The following FDFT1 variants were observed in gnomAD, a reference collection of about 807,000 sequenced individuals.
FDFT1 encodes farnesyl-diphosphate farnesyltransferase 1.
FDFT1 carries 68 observed loss-of-function variants against 46.8 expected under a neutral mutation model. That is an observed-to-expected ratio of 1.45 (90% CI 1.19 to 1.78). The LOEUF is 1.78. Ranked by LOEUF, FDFT1 falls within the 40% of genes most tolerant of loss-of-function variation. The pLI is 0.00. For missense variants in FDFT1, 928 were observed against 524.4 expected, an observed-to-expected ratio of 1.77 and a Z score of -7.52; for synonymous variants, 351 against 185.1, an observed-to-expected ratio of 1.90 and a Z score of -7.28.
chr8:11,825,686 C>CAAAAAAAAAAAAAAAAA (rs5889388), intron 4 of FDFT1, among the ~76,000 whole-genome samples: 1 of 144,612 alleles, frequency 6.9e-6, no homozygotes. Context: ...GACTCCATCT[C>CAAAAAAAAAAAAAAAAA]AAAAAAAAAA....
chr8:11,834,950 C>T (rs1453847785), intron 7 of FDFT1, among the ~76,000 whole-genome samples: 2 of 152,140 alleles, frequency 1.3e-5, no homozygotes, highest in Non-Finnish European at 2.9e-5. Context: ...ATGGCAAAAC[C>T]CTGTCTCTAC....
chr8:11,808,460 C>A, intron 1 of FDFT1: 1 of 1,269,384 alleles, frequency 7.9e-7, no homozygotes, highest in Non-Finnish European at 9.9e-7. Context: ...CCTCGTCGGG[C>A]GCTTCCCAGA....
chr8:11,809,588 G>T lies in FDFT1; in HGVS notation c.198-79G>T. On this transcript the variant is annotated intron_variant, in intron 2 of 7. Coordinates refer to ENST00000220584, the MANE Select transcript of FDFT1 (RefSeq NM_004462.5). ...TAAGGGTGAGATGGGTTTAGAAAGT[G>T]GCCAGGCACAAGTTATTTTAAAATA... 6 of 1,417,494 alleles carry T rather than the reference G, an allele frequency of 4.2e-6. No homozygotes were observed. The South Asian group carries it at 8.7e-5, about 21-fold the overall frequency. 87.8% of individuals were successfully genotyped at this position (1,417,494 alleles called of 1,614,324 possible). A position where few individuals can be genotyped will look rare whatever the true frequency, so the allele number is the denominator to read the frequency against.
upstream of FDFT1, chr8:11,802,396 C>T (rs956915030): frequency 6.6e-6 from 3 of 456,476 alleles, no homozygotes; most frequent in Non-Finnish European, 1.3e-5. Context: ...TGGGCTCCTG[C>T]GCATCCTAAG....
In FDFT1 at chr8:11,838,699, C is replaced by G. The variant is rs1358569105; in HGVS notation, c.*90C>G. The G allele has an allele frequency of 3.8e-6, 4 of 1,049,376 alleles. No individual in the cohort carries two copies. Among genetic ancestry groups the G allele is most frequent in the African/African-American group, 1.6e-5 (1 of 63,344 alleles). The allele number at this position is 1,049,376 out of a possible 1,614,324, so 65.0% of individuals were successfully genotyped here. ...ATGTTGTGTTCTCTTTATTTTTTTC[C>G]TACTACTTTAATCCCTAAAAGAACG... On this transcript the variant is annotated 3_prime_UTR_variant, in exon 8 of 8. Coordinates refer to ENST00000220584, the MANE Select transcript of FDFT1 (RefSeq NM_004462.5).
intron 3 of FDFT1, among the ~76,000 whole-genome samples, chr8:11,814,199 T>A (rs1048190384): frequency 3.3e-5 from 5 of 152,166 alleles, no homozygotes; most frequent in African/African-American, 1.2e-4. Context: ...CTGGTTTGTT[T>A]CAGCCACAAG....
At chr8:11,811,514 A>G (rs747825887) in intron 3 of FDFT1, among the ~76,000 whole-genome samples, 1 of 152,206 alleles carries the variant, frequency 6.6e-6, no homozygotes, top group Non-Finnish European at 1.5e-5. Flanking sequence ...ATGCTAACAT[A>G]ATTTTGGGGA....
intron 3 of FDFT1, among the ~76,000 whole-genome samples, chr8:11,810,758 G>A (rs1399522644): frequency 6.6e-6 from 1 of 152,070 alleles, no homozygotes; most frequent in Non-Finnish European, 1.5e-5. Context: ...CACATGTTGT[G>A]TAATAGCTCG....
chr8:11,802,780 C>G lies in FDFT1; in HGVS notation c.-53C>G. Reference sequence around the variant, plus strand: ...ACAGGTCCAGCCGGCCGGTGAGCGCCTGGGGACCGCAGAGGTGAGAGTCGC... The same window carrying G: ...ACAGGTCCAGCCGGCCGGTGAGCGCGTGGGGACCGCAGAGGTGAGAGTCGC... On this transcript the variant is annotated 5_prime_UTR_variant, in exon 1 of 8. Transcript: ENST00000220584. 1.4e-6 allele frequency: 2 copies of G among 1,441,818 alleles called. No individual in the cohort carries two copies. Among genetic ancestry groups the G allele is most frequent in the Non-Finnish European group, 1.9e-6 (2 of 1,039,410 alleles). The allele number at this position is 1,441,818 out of a possible 1,614,324, so 89.3% of individuals were successfully genotyped here.
chr8:11,826,679 G>T (rs1365066316), intron 5 of FDFT1, among the ~76,000 whole-genome samples: 1 of 152,178 alleles, frequency 6.6e-6, no homozygotes, highest in Non-Finnish European at 1.5e-5. Context: ...GCCGGGCGTG[G>T]TGGCAAGGGC....
intron 1 of FDFT1, among the ~76,000 whole-genome samples, chr8:11,804,371 A>G (rs574078657): frequency 3.3e-5 from 5 of 152,312 alleles, no homozygotes; most frequent in Admixed American, 6.5e-5. Flanking sequence ...GTAAGTGGGT[A>G]GAGAAAGACT....
chr8:11,804,207 G>GA (rs1222023853), intron 1 of FDFT1, among the ~76,000 whole-genome samples: 1 of 152,218 alleles, frequency 6.6e-6, no homozygotes, highest in Non-Finnish European at 1.5e-5. Flanking sequence ...AAGCACTGCA[G>GA]AGGAAGATAC....
At position 11,810,045 on chromosome 8, in the gene FDFT1, C is replaced by G. The variant is rs113772584; in HGVS notation, c.381+195C>G. The G allele has an allele frequency of 1.4e-3, 784 of 542,844 alleles. 8 individuals carry two copies. The highest frequency in any genetic ancestry group is 9.5e-3 in the African/African-American group (504 of 52,882). 33.6% of individuals were successfully genotyped at this position (542,844 alleles called of 1,614,324 possible). ...GTTGGAATCTCAAATCTCCCACTTA[C>G]TAAACTGTTGGTTACTTACAAAGAC... is the stretch of plus-strand genomic sequence containing the variant. On this transcript the variant is annotated intron_variant, in intron 3 of 7. Coordinates refer to ENST00000220584, the MANE Select transcript of FDFT1 (RefSeq NM_004462.5).
intron 7 of FDFT1, 151 bp from the exon 8 acceptor site, chr8:11,838,237 G>A: frequency 1.5e-6 from 1 of 656,610 alleles, no homozygotes. Flanking sequence ...CATTGGGATG[G>A]CTTTGGGTAA....
At chr8:11,827,574 G>A (rs943220146) in intron 5 of FDFT1, among the ~76,000 whole-genome samples, 6 of 151,444 alleles carry the variant, frequency 4.0e-5, no homozygotes, top group South Asian at 2.1e-4. Context: ...GCAGATACAG[G>A]GTTCATATTC....
upstream of FDFT1, among the ~76,000 whole-genome samples, chr8:11,797,658 AAAG>A (rs1404060127): frequency 2.0e-4 from 30 of 151,426 alleles, 1 homozygote; most frequent in Admixed American, 3.3e-4. Context: ...AAAAAAAAAA[AAAG>A]AAACAAACAA....
At position 11,802,803 on chromosome 8, in the gene FDFT1, C is replaced by T. The variant is rs199605209; in HGVS notation, c.-30C>T. The T allele has an allele frequency of 1.3e-6, 2 of 1,567,978 alleles. No homozygotes were observed. The highest frequency in any genetic ancestry group is 1.1e-5 in the South Asian group (1 of 87,356). On this transcript the variant is annotated 5_prime_UTR_variant, in exon 1 of 8. Transcript: ENST00000220584. ...GCCTGGGGACCGCAGAGGTGAGAGT[C>T]GCGCCCGGGAGTCCGCCGCCTGCGC...
At chr8:11,829,337 A>G (rs769605248) in intron 5 of FDFT1, among the ~76,000 whole-genome samples, 3 of 152,230 alleles carry the variant, frequency 2.0e-5, no homozygotes, top group Non-Finnish European at 4.4e-5. Flanking sequence ...AGAATCCTCT[A>G]AATAATATCA....
chr8:11,813,342 C>T (rs1026017887), intron 3 of FDFT1, among the ~76,000 whole-genome samples: 1 of 152,084 alleles, frequency 6.6e-6, no homozygotes, highest in African/African-American at 2.4e-5. Flanking sequence ...TAATAGTGTT[C>T]ACTTATTGAG....
Sources: gnomAD v4.1 joint callset for allele counts (sites outside exome capture counted in the v4.1 genomes callset) on GRCh38, gnomAD v4.1.1 for gene constraint, MANE v1.5 for transcripts, NCBI Gene and HGNC (gene_info 2026-07-23, HGNC 2026-07-21) for gene names.